The following SULF2 variants were observed in gnomAD, a reference collection of about 807,000 sequenced individuals.
SULF2 encodes the protein extracellular sulfatase Sulf-2.
In SULF2, 52 loss-of-function variants were observed where a neutral mutation model predicts 107.7. The observed-to-expected ratio is 0.48, with a 90% CI of 0.39 to 0.61. The LOEUF (loss-of-function observed/expected upper bound fraction) is 0.61, where lower values mean the gene tolerates loss of function less well. Among genes scored for constraint, SULF2 ranks in the 20% least tolerant of loss-of-function variants. The pLI is 0.00. For missense variants in SULF2, 993 were observed against 1,177.3 expected (o/e 0.84, Z 2.29); for synonymous variants, 460 against 464.3 (o/e 0.99, Z 0.12).
chr20:47,709,554 C>T (rs1334659690), intron 3 of SULF2, among the ~76,000 whole-genome samples: 2 of 152,138 alleles, frequency 1.3e-5, no homozygotes, highest in Non-Finnish European at 2.9e-5. Context: ...CCATGAGGAC[C>T]GCATTCCCCT....
rs1214015767 is a variant in SULF2 at position 47,757,377 on chromosome 20, T to C, written c.-14A>G. On this transcript the variant is annotated 5_prime_UTR_variant, in exon 2 of 21. Transcript: ENST00000688720. ...CGGGGGGCCCATCTTCTTTTTTTGC[T>C]GATCTGGTGCTTCTTTTGGGATGCG... 1 of 1,569,800 alleles carries C rather than the reference T, an allele frequency of 6.4e-7. No homozygotes were observed. The highest frequency in any genetic ancestry group is 8.7e-7 in the Non-Finnish European group (1 of 1,153,382).
At chr20:47,671,232 A>G (rs2087460486) in intron 11 of SULF2, among the ~76,000 whole-genome samples, 1 of 152,228 alleles carries the variant, frequency 6.6e-6, no homozygotes, top group Non-Finnish European at 1.5e-5. Context: ...TGAGGTGTGA[A>G]GGTGTAGACA....
At position 47,737,796 on chromosome 20, in the gene SULF2, T is replaced by G. The variant is rs2089780750; in HGVS notation, c.176-854A>C. Among the ~76,000 whole-genome samples, 3 of 131,600 alleles carry G rather than the reference T, an allele frequency of 2.3e-5. No homozygotes were observed. The South Asian group carries it at 7.9e-4, about 35-fold the overall frequency. The allele number at this position is 131,600 out of a possible 152,430, so 86.3% of individuals were successfully genotyped here. A position where few individuals can be genotyped will look rare whatever the true frequency, so the allele number is the denominator to read the frequency against. On this transcript the variant is annotated intron_variant, in intron 2 of 20. Coordinates refer to ENST00000688720, the MANE Select transcript of SULF2 (RefSeq NM_001387048.1). ...TTTTTTTTTTGAGACAGAGTCTTGC[T>G]CTGTTGCCCAGGCTGGAGTGCAGTG...
At chr20:47,750,043 G>A (rs996227931) in intron 2 of SULF2, among the ~76,000 whole-genome samples, 8 of 152,180 alleles carry the variant, frequency 5.3e-5, no homozygotes, top group African/African-American at 9.7e-5. Context: ...GTGCAGTGGC[G>A]CGATCTCAGC....
chr20:47,705,669 GT>G (rs1377763074), intron 3 of SULF2, among the ~76,000 whole-genome samples: 1 of 152,206 alleles, frequency 6.6e-6, no homozygotes, highest in African/African-American at 2.4e-5. Context: ...TTGGTGTGCT[GT>G]TGATATCTGG....
intron 1 of SULF2, among the ~76,000 whole-genome samples, chr20:47,773,557 C>G (rs1443293128): frequency 1.3e-5 from 2 of 152,248 alleles, no homozygotes. Context: ...CTGGGCAGGC[C>G]ACACCCGCTG....
chr20:47,731,330 T>C (rs1337692608), intron 3 of SULF2, among the ~76,000 whole-genome samples: 2 of 151,554 alleles, frequency 1.3e-5, no homozygotes, highest in Non-Finnish European at 2.9e-5. Flanking sequence ...GTAGCTGGGA[T>C]TACAGGTGTA....
intron 1 of SULF2, among the ~76,000 whole-genome samples, chr20:47,759,855 G>A (rs541753795): frequency 6.6e-6 from 1 of 152,224 alleles, no homozygotes; most frequent in Non-Finnish European, 1.5e-5. Context: ...TATTTCTCTT[G>A]TAATCACTAC....
In SULF2 at chr20:47,663,543, G is replaced by A. The variant is rs759418119; in HGVS notation, c.2137C>T (p.Arg713Cys). 5 of 1,612,630 alleles carry A rather than the reference G, an allele frequency of 3.1e-6. No individual in the cohort carries two copies. In the South Asian group the frequency reaches 3.3e-5, roughly 11 times the overall value. The change falls in exon 16 of 21, where the codon CGC (arginine) becomes TGC (cysteine). Residue 713 changes from arginine to cysteine, a missense_variant. Coordinates refer to ENST00000688720, the MANE Select transcript of SULF2 (RefSeq NM_001387048.1). The stretch of plus-strand genomic sequence containing the variant: ...CTGCACGTGTCGTTGTTCTGCAGGC[G>A]CTTGAGCAGCTTGCGGAGTTTCTTC... ...RKKKLRKLLK[R>C]LQNNDTCSMP... is the part of the protein sequence containing the mutation.
chr20:47,759,571 A>G (rs1035962892), intron 1 of SULF2, among the ~76,000 whole-genome samples: 1 of 152,172 alleles, frequency 6.6e-6, no homozygotes, highest in Non-Finnish European at 1.5e-5. Flanking sequence ...ACATGCCTGT[A>G]ATCCCAGCTA....
chr20:47,766,724 A>T (rs933370704), intron 1 of SULF2, among the ~76,000 whole-genome samples: 1 of 152,240 alleles, frequency 6.6e-6, no homozygotes, highest in Non-Finnish European at 1.5e-5. Flanking sequence ...ATCAGAAAAG[A>T]GGACTGGAAA....
Position 47,663,109 on chromosome 20 carries a change from G to T in SULF2, c.2331C>A (p.Gly777=), listed in dbSNP as rs145532457. The change falls in exon 17 of 21, where the codon GGC becomes GGA. Residue 777 remains glycine, a synonymous_variant. Transcript: ENST00000688720. ...TGTTGAGATCAAAGTACTCTAGGAA[G>T]CCAGTTGCAAATTCACAGAAGAGGA... is the stretch of plus-strand genomic sequence containing the variant. ...HNFLFCEFAT[G]FLEYFDLNTD... is the part of the protein sequence containing the mutation. 6.2e-7 allele frequency: 1 copy of T among 1,614,138 alleles called. No individual in the cohort carries two copies. Among genetic ancestry groups the T allele is most frequent in the Non-Finnish European group, 8.5e-7 (1 of 1,180,030 alleles).
intron 1 of SULF2, among the ~76,000 whole-genome samples, chr20:47,779,311 G>A (rs1432417147): frequency 1.3e-5 from 2 of 152,148 alleles, no homozygotes; most frequent in African/African-American, 4.8e-5. Context: ...AATGTTTTCT[G>A]GGTGTCAAAA....
chr20:47,702,654 A>G lies in SULF2; in HGVS notation c.432T>C (p.Tyr144=), dbSNP rs779906120. The change falls in exon 4 of 21, where the codon TAT becomes TAC. Residue 144 remains tyrosine (Y), a synonymous_variant. Transcript: ENST00000688720. ...TGYRTAFFGK[Y]LNEYNGSYVP... is the part of the protein sequence containing the mutation. The stretch of plus-strand genomic sequence containing the variant: ...CGTAGGAGCCGTTGTATTCATTAAG[A>G]TACTTCCCGAAGAAAGCTGCGGAGG... 2 of 1,613,958 alleles carry G rather than the reference A, an allele frequency of 1.2e-6. No individual in the cohort carries two copies. Among genetic ancestry groups the G allele is most frequent in the Non-Finnish European group, 1.7e-6 (2 of 1,179,998 alleles).
At chr20:47,726,687 A>G (rs1191040535) in intron 3 of SULF2, among the ~76,000 whole-genome samples, 1 of 152,122 alleles carries the variant, frequency 6.6e-6, no homozygotes, top group Non-Finnish European at 1.5e-5. Flanking sequence ...GCTAGTGGCA[A>G]CGGTACTGGG....
At chr20:47,743,511 C>T (rs914918583) in intron 2 of SULF2, among the ~76,000 whole-genome samples, 4 of 152,172 alleles carry the variant, frequency 2.6e-5, no homozygotes, top group South Asian at 4.1e-4. Context: ...GGCTTCACCA[C>T]GTTGCCCGGG....
chr20:47,784,970 C>A (rs1224473027), intron 1 of SULF2, among the ~76,000 whole-genome samples: 2 of 152,148 alleles, frequency 1.3e-5, no homozygotes, highest in Non-Finnish European at 2.9e-5. Context: ...TGGGTCTAAA[C>A]CCTAAGGGTC....
At chr20:47,757,120 G>A in intron 2 of SULF2, 69 bp downstream of exon 2, 3 of 1,392,842 alleles carry the variant, frequency 2.2e-6, no homozygotes, top group South Asian at 2.9e-5. Flanking sequence ...CTTGCCTCAG[G>A]AGCCTCAGCC....
chr20:47,673,490 TCCC>T (rs1046963292), intron 10 of SULF2, among the ~76,000 whole-genome samples: 1 of 151,620 alleles, frequency 6.6e-6, no homozygotes, highest in Non-Finnish European at 1.5e-5. Flanking sequence ...GGTGCCACCA[TCCC>T]CCCCAACCCT....
Sources: allele counts gnomAD v4.1 joint callset (sites outside exome capture counted in the v4.1 genomes callset), GRCh38; gene constraint gnomAD v4.1.1; transcripts MANE v1.5; gene names NCBI Gene and HGNC (gene_info 2026-07-23, HGNC 2026-07-21).